Variants in TMEM132C observed in about 807,000 individuals in gnomAD.
TMEM132C encodes the protein transmembrane protein 132C.
TMEM132C carries 29 observed loss-of-function variants against 61.4 expected under a neutral mutation model. The ratio of observed to expected loss-of-function variants is 0.47; its 90% confidence interval spans 0.35 to 0.64. The LOEUF is 0.64. Ranked by LOEUF, TMEM132C falls within the 30% of genes least tolerant of loss-of-function variation. The pLI is 0.00. For missense variants in TMEM132C, 1,408 were observed against 1,476.9 expected (o/e 0.95, Z 0.76); for synonymous variants, 656 against 633.1 (o/e 1.04, Z -0.54).
chr12:128,452,466 T>C (rs961307562), intron 2 of TMEM132C, among the ~76,000 whole-genome samples: 1 of 142,806 alleles, frequency 7.0e-6, no homozygotes, highest in South Asian at 2.6e-4. Flanking sequence ...ACACCTGTAA[T>C]CCCAACACTC....
intron 2 of TMEM132C, among the ~76,000 whole-genome samples, chr12:128,502,068 T>C (rs1016908445): frequency 6.6e-5 from 10 of 152,218 alleles, no homozygotes; most frequent in Non-Finnish European, 1.5e-4. Context: ...ATGCCAAATA[T>C]TTATAGATGA....
intron 2 of TMEM132C, among the ~76,000 whole-genome samples, chr12:128,421,253 T>C (rs1593047474): frequency 6.6e-6 from 1 of 152,198 alleles, no homozygotes; most frequent in South Asian, 2.1e-4. Context: ...TAAATGCCCA[T>C]CAGCCAATGA....
intron 2 of TMEM132C, among the ~76,000 whole-genome samples, chr12:128,495,321 G>T (rs1458668170): frequency 5.9e-5 from 9 of 152,044 alleles, no homozygotes; most frequent in Non-Finnish European, 1.2e-4. Context: ...TGTTGATTTG[G>T]GGTGGAGAGT....
chr12:128,630,529 T>G lies in TMEM132C; in HGVS notation c.1305+14194T>G, dbSNP rs1380048650. Reference sequence around the variant, plus strand: ...GCCTAAAAGAGCAACCTGGAACCCCTCTGAGCTTTCCCCACTCCCTTTGCA... The same window carrying G: ...GCCTAAAAGAGCAACCTGGAACCCCGCTGAGCTTTCCCCACTCCCTTTGCA... On this transcript the variant is annotated intron_variant, in intron 4 of 8. Coordinates refer to ENST00000435159, the MANE Select transcript of TMEM132C (RefSeq NM_001136103.3). The surrounding 1 kb of genome is among the most constrained non-coding windows in gnomAD (Gnocchi z 4.3). Among the ~76,000 whole-genome samples the G allele has an allele frequency of 6.6e-6, 1 of 152,038 alleles. No individual in the cohort carries two copies. The highest frequency in any genetic ancestry group is 1.5e-5 in the Non-Finnish European group (1 of 68,012).
chr12:128,618,320 G>A (rs538603294), intron 4 of TMEM132C, among the ~76,000 whole-genome samples: 1 of 151,948 alleles, frequency 6.6e-6, no homozygotes, highest in Admixed American at 6.6e-5. Context: ...TTTTCATAAT[G>A]CCTTTAAGGT....
At chr12:128,300,382 C>G (rs979562515) in intron 1 of TMEM132C, among the ~76,000 whole-genome samples, 1 of 152,122 alleles carries the variant, frequency 6.6e-6, no homozygotes, top group African/African-American at 2.4e-5. Context: ...AAGCAGAGTT[C>G]ATGGTTTTTC....
In TMEM132C at chr12:128,664,427, A is replaced by G. The variant is rs369714712; in HGVS notation, c.1306-4990A>G. Reference sequence around the variant, plus strand: ...GAACCCTACCTTATTGATTATTTTCAGCAAAACAGAACAGTTCTCTGATTT... The same window carrying G: ...GAACCCTACCTTATTGATTATTTTCGGCAAAACAGAACAGTTCTCTGATTT... On this transcript the variant is annotated intron_variant, in intron 4 of 8. Transcript: ENST00000435159. Among the ~76,000 whole-genome samples, 50 of 152,356 alleles carry G rather than the reference A, an allele frequency of 3.3e-4. No individual in the cohort carries two copies. The South Asian group carries it at 9.7e-3, about 30-fold the overall frequency.
chr12:128,315,443 A>G (rs1006930263), intron 1 of TMEM132C, among the ~76,000 whole-genome samples: 2 of 152,110 alleles, frequency 1.3e-5, no homozygotes, highest in African/African-American at 4.8e-5. Flanking sequence ...AATAAGGAAG[A>G]AAACCGCGCC....
At position 128,639,200 on chromosome 12, in the gene TMEM132C, GTGA is replaced by G. The variant is rs1402257018; in HGVS notation, c.1305+22874_1305+22876del. Reference sequence around the variant, plus strand: ...TGATGGTGGTGATGGTGATGGTGGGGTGATGATGATGGTGATGATAATGACAAT... The same window carrying G: ...TGATGGTGGTGATGGTGATGGTGGGGTGATGATGGTGATGATAATGACAAT... On this transcript the variant is annotated intron_variant, in intron 4 of 8. Transcript: ENST00000435159. Among the ~76,000 whole-genome samples the G allele has an allele frequency of 6.8e-5, 10 of 147,176 alleles. No homozygotes were observed. The South Asian group carries it at 8.7e-4, about 13-fold the overall frequency.
At chr12:128,316,745 A>T (rs1032691799) in intron 1 of TMEM132C, among the ~76,000 whole-genome samples, 2 of 152,032 alleles carry the variant, frequency 1.3e-5, no homozygotes, top group African/African-American at 2.4e-5. Flanking sequence ...CCTCAAGTTA[A>T]TTTTTTTGTC....
chr12:128,333,839 G>T (rs781722900), intron 1 of TMEM132C, among the ~76,000 whole-genome samples: 14 of 151,388 alleles, frequency 9.2e-5, no homozygotes, highest in Non-Finnish European at 1.8e-4. Context: ...TGTGGTGTGT[G>T]TATGTGTGAG....
At chr12:128,462,063 A>G (rs1281632079) in intron 2 of TMEM132C, among the ~76,000 whole-genome samples, 1 of 152,086 alleles carries the variant, frequency 6.6e-6, no homozygotes, top group Non-Finnish European at 1.5e-5. Flanking sequence ...CTGGGAATGA[A>G]TACAGCTTCT....
chr12:128,481,198 G>T (rs763027429), intron 2 of TMEM132C, among the ~76,000 whole-genome samples: 5 of 152,232 alleles, frequency 3.3e-5, no homozygotes, highest in Admixed American at 6.5e-5. Flanking sequence ...AAGGGCAGCG[G>T]CAGGTGACAC....
At chr12:128,357,893 G>A (rs1873570538) in intron 1 of TMEM132C, among the ~76,000 whole-genome samples, 4 of 151,746 alleles carry the variant, frequency 2.6e-5, no homozygotes, top group Admixed American at 2.6e-4. Context: ...CCCAACCATG[G>A]ACTGGGTTTC....
At chr12:128,315,914 C>G (rs67442948) in intron 1 of TMEM132C, among the ~76,000 whole-genome samples, 2 of 151,370 alleles carry the variant, frequency 1.3e-5, no homozygotes, top group African/African-American at 2.4e-5. Context: ...CGGCATGGAA[C>G]AGATTATCTC....
intron 4 of TMEM132C, among the ~76,000 whole-genome samples, chr12:128,634,981 G>A (rs181653763): frequency 1.6e-4 from 25 of 152,296 alleles, no homozygotes; most frequent in Non-Finnish European, 3.5e-4. Flanking sequence ...TAACTGTCAG[G>A]CAGCTGTAGG....
intron 4 of TMEM132C, among the ~76,000 whole-genome samples, chr12:128,644,447 A>G (rs966326735): frequency 1.3e-5 from 2 of 152,246 alleles, no homozygotes; most frequent in Non-Finnish European, 2.9e-5. Flanking sequence ...CAAATACATG[A>G]AAAACTATTT....
chr12:128,568,108 C>T (rs948583098), intron 3 of TMEM132C, among the ~76,000 whole-genome samples: 7 of 152,190 alleles, frequency 4.6e-5, no homozygotes, highest in African/African-American at 1.7e-4. Flanking sequence ...ATTTAGGGAA[C>T]AAATGATGCC....
intron 2 of TMEM132C, among the ~76,000 whole-genome samples, chr12:128,497,271 CG>C (rs1235489321): frequency 1.3e-5 from 2 of 152,200 alleles, no homozygotes; most frequent in African/African-American, 2.4e-5. Context: ...TTAGGCTACT[CG>C]GGGTCAGGGA....
Sources: gnomAD v4.1 joint callset for allele counts (sites outside exome capture counted in the v4.1 genomes callset) on GRCh38, gnomAD v4.1.1 for gene constraint, Gnocchi (gnomAD v3.1) non-coding constraint, MANE v1.5 for transcripts, NCBI Gene and HGNC (gene_info 2026-07-23, HGNC 2026-07-21) for gene names.